TYRO3: variants seen among roughly 807,000 people sequenced by gnomAD.
TYRO3 encodes the protein TYRO3 protein tyrosine kinase.
In TYRO3, 38 loss-of-function variants were observed where a neutral mutation model predicts 95.2. The ratio of observed to expected loss-of-function variants is 0.40; its 90% CI spans 0.31 to 0.52. TYRO3 has a LOEUF of 0.52. Ranked by LOEUF, TYRO3 falls within the 20% of genes least tolerant of loss-of-function variation. The pLI is 0.56. For synonymous variants in TYRO3, 367 were observed against 432.9 expected (o/e 0.85, Z 1.89); for missense variants, 812 against 1,116.4 (o/e 0.73, Z 3.89).
rs1371181534 is a variant in TYRO3, at chr15:41,573,747, C to T, written c.2214C>T (p.Asn738=). Residue 738 remains asparagine, a synonymous_variant, in exon 18 of 19, where the codon AAC becomes AAT. Transcript: ENST00000263798. ...RGQTPYAGIE[N]AEIYNYLIGG... is the part of the protein sequence containing the mutation. ...AGACGCCATATGCTGGCATCGAAAACGCTGAGATTTACAACTACCTCATTG... is the reference window on the plus strand; with the variant it reads ...AGACGCCATATGCTGGCATCGAAAATGCTGAGATTTACAACTACCTCATTG... 17 of 1,614,150 alleles carry T rather than the reference C, an allele frequency of 1.1e-5. No homozygotes were observed. The highest frequency in any genetic ancestry group is 1.6e-4 in the Middle Eastern group (1 of 6,084).
intron 7 of TYRO3, 49 bp from the exon 8 acceptor site, chr15:41,568,165 TATG>T (rs2055747908): frequency 3.7e-6 from 6 of 1,608,078 alleles, no homozygotes; most frequent in Non-Finnish European, 5.1e-6. Context: ...TGCATGGAAT[TATG>T]ATGGTGGGAA....
rs141437157 is a variant in TYRO3 at position 41,578,022 on chromosome 15, A to T, written c.2419A>T (p.Ile807Phe). Reference protein sequence around the residue: ...SASQDPLYINIERAEEPTAGG... With the variant: ...SASQDPLYINFERAEEPTAGG... Reference sequence around the variant, plus strand: ...CAGCCAGGACCCCTTATACATCAACATCGAGAGAGCTGAGGAGCCCACTGC... The same window carrying T: ...CAGCCAGGACCCCTTATACATCAACTTCGAGAGAGCTGAGGAGCCCACTGC... Residue 807 changes from isoleucine (I) to phenylalanine (F), a missense_variant, in exon 19 of 19, where the codon ATC becomes TTC. Coordinates refer to ENST00000263798, the MANE Select transcript of TYRO3 (RefSeq NM_006293.4). The T allele has an allele frequency of 2.5e-6, 4 of 1,614,094 alleles. No individual in the cohort carries two copies. Among genetic ancestry groups the T allele is most frequent in the Non-Finnish European group, 3.4e-6 (4 of 1,180,038 alleles).
intron 7 of TYRO3, 77 bp downstream of exon 7, chr15:41,567,614 G>A: frequency 1.5e-6 from 2 of 1,312,140 alleles, no homozygotes; most frequent in South Asian, 2.1e-5. Flanking sequence ...AGTTCTGAAT[G>A]GTGCTGGTAG....
In TYRO3 at chr15:41,579,361, CTTTTTTT is replaced by C. The variant is rs921548391; in HGVS notation, c.*1088_*1094del. 1 of 142,080 alleles carries C rather than the reference CTTTTTTT, an allele frequency of 7.0e-6. No individual in the cohort carries two copies. Among genetic ancestry groups the C allele is most frequent in the Admixed American group, 7.0e-5 (1 of 14,202 alleles). 8.8% of individuals were successfully genotyped at this position (142,080 alleles called of 1,614,324 possible). On this transcript the variant is annotated 3_prime_UTR_variant, in exon 19 of 19. Transcript: ENST00000263798. Reference sequence around the variant, plus strand: ...TAAGGTTTTGTCTCTTTTTTTTTTTCTTTTTTTTTGAGACAGTCTCACTGTGTTGCCC... The same window carrying C: ...TAAGGTTTTGTCTCTTTTTTTTTTTCTTGAGACAGTCTCACTGTGTTGCCC...
chr15:41,572,381 G>T, intron 14 of TYRO3, 62 bp from the exon 15 acceptor site: 1 of 1,574,306 alleles, frequency 6.4e-7, no homozygotes, highest in South Asian at 1.2e-5. Context: ...GGGGACTTAT[G>T]CAGACACCTG....
intron 3 of TYRO3, chr15:41,562,015 T>C (rs2055664020): frequency 5.3e-6 from 1 of 189,554 alleles, no homozygotes; most frequent in Non-Finnish European, 1.1e-5. Context: ...ACAAAGTGAC[T>C]AAGAAAGTAA....
intron 3 of TYRO3, chr15:41,562,270 G>C (rs1473539044): frequency 7.1e-6 from 2 of 280,378 alleles, no homozygotes; most frequent in Non-Finnish European, 1.3e-5. Context: ...AGGATCACTT[G>C]AGCCCCCAGG....
At chr15:41,571,540 C>A in intron 13 of TYRO3, 55 bp from the exon 14 acceptor site, 2 of 1,306,856 alleles carry the variant, frequency 1.5e-6, no homozygotes, top group South Asian at 2.4e-5. Context: ...AGGCCTGGGT[C>A]AAAACTAGGG....
chr15:41,563,653 T>A (rs1414891538), intron 4 of TYRO3, among the ~76,000 whole-genome samples: 1 of 152,144 alleles, frequency 6.6e-6, no homozygotes, highest in Non-Finnish European at 1.5e-5. Context: ...CACACCACAC[T>A]GTGCTAGGCA....
At chr15:41,566,407 A>G (rs1339887140) in intron 6 of TYRO3, among the ~76,000 whole-genome samples, 4 of 150,798 alleles carry the variant, frequency 2.7e-5, no homozygotes, top group Non-Finnish European at 5.9e-5. Flanking sequence ...CAAAGAGCCT[A>G]CAGGGCCAAG....
At chr15:41,559,451 G>C (rs1750486881) in intron 1 of TYRO3, 70 bp downstream of exon 1, 1 of 275,688 alleles carries the variant, frequency 3.6e-6, no homozygotes, top group Non-Finnish European at 6.9e-6. Flanking sequence ...GTCGGAGCCC[G>C]GGGCGGGCCT....
At chr15:41,565,325 C>A (rs953542112) in intron 6 of TYRO3, among the ~76,000 whole-genome samples, 184 bp downstream of exon 6, 5 of 152,152 alleles carry the variant, frequency 3.3e-5, no homozygotes, top group African/African-American at 1.2e-4. Flanking sequence ...AACTAAGTGA[C>A]TTTGCAGATT....
chr15:41,575,357 T>C (rs1393542747), intron 18 of TYRO3, among the ~76,000 whole-genome samples: 2 of 152,216 alleles, frequency 1.3e-5, no homozygotes, highest in African/African-American at 4.8e-5. Flanking sequence ...AATCTGGCGC[T>C]GTAGAAGCTC....
Position 41,573,120 on chromosome 15 carries a change from T to C in TYRO3, c.1985+9T>C. The C allele has an allele frequency of 1.0e-6, 1 of 955,284 alleles. No homozygotes were observed. Among genetic ancestry groups the C allele is most frequent in the South Asian group, 1.4e-5 (1 of 72,850 alleles). The allele number at this position is 955,284 out of a possible 1,614,324, so 59.2% of individuals were successfully genotyped here. ...GCTGCTCGGAATTGCATGTACGAAT[T>C]CTGGAGGACTCGAGGGTGGGAGACA... On this transcript the variant is annotated intron_variant, in intron 16 of 18. Coordinates refer to ENST00000263798, the MANE Select transcript of TYRO3 (RefSeq NM_006293.4).
intron 9 of TYRO3, 89 bp from the exon 10 acceptor site, chr15:41,569,938 T>G: frequency 6.6e-7 from 1 of 1,525,578 alleles, no homozygotes; most frequent in Middle Eastern, 2.4e-4. Flanking sequence ...GAGGAGCCCC[T>G]TGAACCAGCT....
At chr15:41,561,948 G>T (rs189983754) in intron 3 of TYRO3, 195 of 276,360 alleles carry the variant, frequency 7.1e-4, no homozygotes, top group Non-Finnish European at 1.1e-3. Flanking sequence ...TGGCCAGCAG[G>T]GGGAGGGGAG....
intron 9 of TYRO3, 122 bp downstream of exon 9, chr15:41,569,144 G>A (rs1472639087): frequency 1.4e-5 from 17 of 1,216,202 alleles, no homozygotes; most frequent in Non-Finnish European, 1.8e-5. Flanking sequence ...ACAGAGTGAA[G>A]AAGTTGAGGC....
intron 1 of TYRO3, 101 bp from the exon 2 acceptor site, chr15:41,561,026 C>A: frequency 7.5e-7 from 1 of 1,339,290 alleles, no homozygotes; most frequent in Non-Finnish European, 1.0e-6. Context: ...GAGAAAGAGC[C>A]CTCTGTCTGA....
intron 18 of TYRO3, chr15:41,574,697 C>A: frequency 2.2e-6 from 1 of 455,626 alleles, no homozygotes; most frequent in South Asian, 1.5e-5. Context: ...CTCCCTAGGC[C>A]TTCAGACAAC....
Sources: allele counts gnomAD v4.1 joint callset (sites outside exome capture counted in the v4.1 genomes callset), GRCh38; gene constraint gnomAD v4.1.1; transcripts MANE v1.5; gene names NCBI Gene and HGNC (gene_info 2026-07-23, HGNC 2026-07-21).